SHROOM3: variants seen among roughly 807,000 people sequenced by gnomAD.
SHROOM3 encodes protein Shroom3.
SHROOM3 carries 47 observed loss-of-function variants against 138.6 expected under a neutral mutation model. The observed-to-expected ratio is 0.34, with a 90% confidence interval of 0.27 to 0.43. The LOEUF is 0.43. SHROOM3 is among the 20% of genes least tolerant of loss of function. SHROOM3 has a pLI of 1.00. For missense variants in SHROOM3, 2,491 were observed against 2,596.5 expected (o/e 0.96, Z 0.88); for synonymous variants, 1,062 against 1,063.3 (o/e 1.00, Z 0.02).
Position 76,740,356 on chromosome 4 carries a change from G to T in SHROOM3, c.2183G>T (p.Arg728Met). Residue 728 changes from arginine (R) to methionine (M), a missense_variant, in exon 5 of 11, where the codon AGG (arginine) becomes ATG (methionine). Around this residue, in one of 4 missense-constraint regions of SHROOM3, gnomAD observed 1,733 missense variants for 1,661.6 expected, o/e 1.04. Transcript: ENST00000296043. The surrounding 1 kb of genome is among the most constrained non-coding windows in gnomAD (Gnocchi z 4.0). ...GTTTCCTACCCGCGGCCCGAGGGGAGGACCGGTGCCTCGGCTTCTTTCAAC... is the reference window on the plus strand; with the variant it reads ...GTTTCCTACCCGCGGCCCGAGGGGATGACCGGTGCCTCGGCTTCTTTCAAC... The part of the protein sequence containing the change: ...RQVSYPRPEG[R>M]TGASASFNST... The T allele has an allele frequency of 6.2e-7, 1 of 1,613,104 alleles. No homozygotes were observed. The highest frequency in any genetic ancestry group is 2.2e-5 in the East Asian group (1 of 44,878).
intron 1 of SHROOM3, among the ~76,000 whole-genome samples, chr4:76,518,920 A>C (rs1732504644): frequency 6.6e-6 from 1 of 152,214 alleles, no homozygotes; most frequent in Admixed American, 6.5e-5. Context: ...GATCACTGGA[A>C]GTGGAACAAG....
At chr4:76,559,502 TG>T (rs1170570438) in intron 2 of SHROOM3, 5 of 152,176 alleles carry the variant, frequency 3.3e-5, no homozygotes, top group Non-Finnish European at 5.9e-5. Flanking sequence ...TAAAAAAGAC[TG>T]GGGTGTCTTC....
intron 5 of SHROOM3, among the ~76,000 whole-genome samples, chr4:76,743,650 CAT>C (rs1347186959): frequency 2.6e-5 from 4 of 152,230 alleles, no homozygotes; most frequent in African/African-American, 9.7e-5. Context: ...CTTAAGTGCA[CAT>C]CAGACTCTTG....
At chr4:76,505,025 T>A (rs1732181444) in intron 1 of SHROOM3, among the ~76,000 whole-genome samples, 1 of 152,234 alleles carries the variant, frequency 6.6e-6, no homozygotes, top group Non-Finnish European at 1.5e-5. Context: ...AACATTTGAC[T>A]ATTGGGCTTG....
At chr4:76,713,201 T>C (rs893119886) in intron 3 of SHROOM3, among the ~76,000 whole-genome samples, 1 of 152,244 alleles carries the variant, frequency 6.6e-6, no homozygotes, top group African/African-American at 2.4e-5. Flanking sequence ...TTACTGTAAC[T>C]TTATAAACTT....
At chr4:76,750,054 A>G (rs892711258) in intron 6 of SHROOM3, among the ~76,000 whole-genome samples, 4 of 152,198 alleles carry the variant, frequency 2.6e-5, no homozygotes, top group African/African-American at 9.6e-5. Flanking sequence ...AAGTAGAAGC[A>G]GCCAACATGG....
At chr4:76,655,650 C>G (rs1049098359) in intron 2 of SHROOM3, among the ~76,000 whole-genome samples, 2 of 152,334 alleles carry the variant, frequency 1.3e-5, no homozygotes, top group African/African-American at 4.8e-5. Flanking sequence ...AGATACAACA[C>G]TGTAGGATTA....
At chr4:76,723,405 C>G (rs965193551) in intron 3 of SHROOM3, among the ~76,000 whole-genome samples, 1 of 152,164 alleles carries the variant, frequency 6.6e-6, no homozygotes, top group Admixed American at 6.5e-5. Flanking sequence ...ATATTCTTCT[C>G]CTAGCTCTTT....
chr4:76,739,244 A>AC lies in SHROOM3; in HGVS notation c.1076dup (p.Ser360IlefsTer20). The AC allele has an allele frequency of 6.2e-7, 1 of 1,613,840 alleles. No individual in the cohort carries two copies. Among genetic ancestry groups the AC allele is most frequent in the Non-Finnish European group, 8.5e-7 (1 of 1,179,946 alleles). On this transcript the variant is annotated frameshift_variant, in exon 5 of 11. Coordinates refer to ENST00000296043, the MANE Select transcript of SHROOM3 (RefSeq NM_020859.4). LOFTEE classifies it high-confidence loss of function. ...ATATTCCTCGGGGCAAGGGAGTGCC[A>AC]CCCCCATCCTGGAGCCAGCAGTGCC... is the stretch of plus-strand genomic sequence containing the variant.
chr4:76,518,469 T>G lies in SHROOM3; in HGVS notation c.169-37140T>G, dbSNP rs549962590. The stretch of plus-strand genomic sequence containing the variant: ...TCATTTTCTTTCCCCTCCCCCCTCC[T>G]TCCTTTTTGCCTGTCTGCCTGCCTG... On this transcript the variant is annotated intron_variant, in intron 1 of 10. Coordinates refer to ENST00000296043, the MANE Select transcript of SHROOM3 (RefSeq NM_020859.4). 3.3e-5 allele frequency among the ~76,000 whole-genome samples: 5 copies of G among 152,110 alleles called. No homozygotes were observed. In the South Asian group the frequency reaches 1.0e-3, roughly 32 times the overall value.
chr4:76,715,739 T>A (rs912104922), intron 3 of SHROOM3, among the ~76,000 whole-genome samples: 1 of 152,232 alleles, frequency 6.6e-6, no homozygotes, highest in Non-Finnish European at 1.5e-5. Flanking sequence ...CATTCTCAAT[T>A]GAACAGCAAG....
At chr4:76,644,093 C>T (rs1735754109) in intron 2 of SHROOM3, among the ~76,000 whole-genome samples, 1 of 152,074 alleles carries the variant, frequency 6.6e-6, no homozygotes, top group African/African-American at 2.4e-5. Flanking sequence ...ATCTGCCCTC[C>T]TCGGCCTCCC....
intron 2 of SHROOM3, 161 bp from the exon 3 acceptor site, chr4:76,709,995 G>C: frequency 1.2e-6 from 1 of 807,170 alleles, no homozygotes; most frequent in Non-Finnish European, 2.0e-6. Context: ...GTAGGGCAGA[G>C]AACTTTGTTA....
chr4:76,740,455 C>G lies in SHROOM3; in HGVS notation c.2282C>G (p.Pro761Arg), dbSNP rs1449467939. ...PHTSSLGRRG[P>R]GPGSASALQG... is the part of the protein sequence containing the mutation. ...ACATCCAGTCTGGGCCGGAGGGGGC[C>G]CGGCCCAGGCAGCGCCTCGGCTCTT... The change falls in exon 5 of 11, where the codon CCC becomes CGC. Residue 761 changes from proline (P) to arginine (R), a missense_variant. Around this residue, in one of 4 missense-constraint regions of SHROOM3, gnomAD observed 1,733 missense variants for 1,661.6 expected, o/e 1.04. Coordinates refer to ENST00000296043, the MANE Select transcript of SHROOM3 (RefSeq NM_020859.4). This position sits in a 1 kb window ranked among gnomAD's most constrained non-coding sequence, Gnocchi z 4.0. 4 of 1,611,374 alleles carry G rather than the reference C, an allele frequency of 2.5e-6. No individual in the cohort carries two copies. The highest frequency in any genetic ancestry group is 3.4e-6 in the Non-Finnish European group (4 of 1,178,624).
chr4:76,502,612 G>A (rs1437417367), intron 1 of SHROOM3, among the ~76,000 whole-genome samples: 1 of 152,242 alleles, frequency 6.6e-6, no homozygotes, highest in Admixed American at 6.5e-5. Flanking sequence ...GGCATCAGAA[G>A]TGTTGAACGA....
rs772290620 is a variant in SHROOM3 at position 76,436,102 on chromosome 4, C to T, written c.50C>T (p.Ser17Phe). Residue 17 changes from serine to phenylalanine, a missense_variant, in exon 1 of 11, where the codon TCT becomes TTT. Ser to Phe is a radical substitution (Grantham distance 155). Transcript: ENST00000296043. ...DFHKPSATLN[S>F]NTATKGRYIY... ...CACAAGCCTAGTGCCACATTAAACT[C>T]TAACACGGCCACCAAGGGAAGGTAC... 6 of 1,614,026 alleles carry T rather than the reference C, an allele frequency of 3.7e-6. No individual in the cohort carries two copies. The highest frequency in any genetic ancestry group is 8.5e-7 in the Non-Finnish European group (1 of 1,179,932).
intron 2 of SHROOM3, among the ~76,000 whole-genome samples, chr4:76,598,441 A>G (rs1489491393): frequency 6.6e-6 from 1 of 152,228 alleles, no homozygotes; most frequent in African/African-American, 2.4e-5. Flanking sequence ...ATGAACAGGC[A>G]TTTGGTAGAT....
chr4:76,471,713 A>T (rs1731376652), intron 1 of SHROOM3, among the ~76,000 whole-genome samples: 2 of 152,030 alleles, frequency 1.3e-5, no homozygotes, highest in South Asian at 4.1e-4. Flanking sequence ...ATCTAACAAT[A>T]AAAAAAATGG....
chr4:76,496,013 T>G (rs1303149020), intron 1 of SHROOM3, among the ~76,000 whole-genome samples: 4 of 152,208 alleles, frequency 2.6e-5, no homozygotes, highest in African/African-American at 9.7e-5. Context: ...GGACCAAAGC[T>G]GTTCATACAA....
Sources: gnomAD v4.1 joint callset for allele counts (sites outside exome capture counted in the v4.1 genomes callset) on GRCh38, gnomAD v4.1.1 for gene constraint, gnomAD v4.1.1 regional missense constraint, Gnocchi (gnomAD v3.1) non-coding constraint, MANE v1.5 for transcripts, NCBI Gene and HGNC (gene_info 2026-07-23, HGNC 2026-07-21) for gene names.